SND1: variants seen among roughly 807,000 people sequenced by gnomAD.
SND1 encodes staphylococcal nuclease and tudor domain containing 1.
In SND1, 38 loss-of-function variants were observed where a neutral mutation model predicts 121.7. That is an observed-to-expected ratio of 0.31 (90% CI 0.24 to 0.41). SND1 has a LOEUF of 0.41. SND1 is among the 10% of genes least tolerant of loss of function. The probability of loss-of-function intolerance (pLI) is 1.00; values close to 1 mark genes in which losing one functional copy is unlikely to be tolerated. For synonymous variants in SND1, 401 were observed against 447.4 expected, an observed-to-expected ratio of 0.90 and a Z score of 1.31; for missense variants, 868 against 1,184.6, an observed-to-expected ratio of 0.73 and a Z score of 3.92.
At chr7:127,912,777 A>C (rs1800487308) in intron 14 of SND1, among the ~76,000 whole-genome samples, 1 of 152,228 alleles carries the variant, frequency 6.6e-6, no homozygotes, top group Non-Finnish European at 1.5e-5. Flanking sequence ...AACCACATAT[A>C]TAGTGGGCAA....
intron 16 of SND1, among the ~76,000 whole-genome samples, chr7:128,071,991 C>G (rs1194221616): frequency 6.6e-6 from 1 of 152,168 alleles, no homozygotes; most frequent in Non-Finnish European, 1.5e-5. Context: ...AGCTGGTGCT[C>G]ACCTGCGCAG....
intron 10 of SND1, among the ~76,000 whole-genome samples, chr7:127,729,039 C>G (rs1009595154): frequency 6.6e-6 from 1 of 152,016 alleles, no homozygotes; most frequent in Non-Finnish European, 1.5e-5. Flanking sequence ...GTTGACTCGC[C>G]CTGCCTCTCT....
chr7:127,772,602 C>CT (rs1386112037), intron 10 of SND1, among the ~76,000 whole-genome samples: 1 of 152,216 alleles, frequency 6.6e-6, no homozygotes, highest in African/African-American at 2.4e-5. Context: ...AATATCTCAT[C>CT]TGTGCTGCCA....
rs191427452 is a variant in SND1 at position 127,989,020 on chromosome 7, A to G, written c.1670-1927A>G. On this transcript the variant is annotated intron_variant, in intron 15 of 23. Transcript: ENST00000354725. The stretch of plus-strand genomic sequence containing the variant: ...TATAAAAAGAAAAGTGTTTTTGGCT[A>G]TTGATGTAAAAAACATGGGCCATCT... Among the ~76,000 whole-genome samples the G allele has an allele frequency of 2.0e-3, 309 of 152,354 alleles. 2 individuals carry two copies. The highest frequency in any genetic ancestry group is 0.01 in the Middle Eastern group (3 of 294).
intron 16 of SND1, among the ~76,000 whole-genome samples, chr7:128,063,538 G>A (rs560166173): frequency 3.9e-5 from 6 of 152,340 alleles, no homozygotes; most frequent in Admixed American, 3.9e-4. Flanking sequence ...CCCAAAGGTA[G>A]TATTCTGTCC....
chr7:127,748,829 A>G (rs1213876172), intron 10 of SND1, among the ~76,000 whole-genome samples: 1 of 152,108 alleles, frequency 6.6e-6, no homozygotes. Flanking sequence ...GTGCAGGCCT[A>G]TGTGGGTGCT....
intron 16 of SND1, among the ~76,000 whole-genome samples, chr7:128,022,485 C>T (rs1290007873): frequency 6.6e-6 from 1 of 152,224 alleles, no homozygotes; most frequent in Admixed American, 6.5e-5. Context: ...GCCATCGTCT[C>T]AAATGCTAAC....
intron 12 of SND1, among the ~76,000 whole-genome samples, chr7:127,854,356 T>G (rs1799228261): frequency 6.6e-6 from 1 of 152,164 alleles, no homozygotes; most frequent in Non-Finnish European, 1.5e-5. Flanking sequence ...CTTGAACTCC[T>G]GACCTTAAGT....
chr7:127,991,208 C>G, intron 16 of SND1, 152 bp downstream of exon 16: 1 of 630,810 alleles, frequency 1.6e-6, no homozygotes, highest in Non-Finnish European at 2.8e-6. Flanking sequence ...ATCTTATTTC[C>G]CTGAGCGCTG....
intron 12 of SND1, among the ~76,000 whole-genome samples, chr7:127,885,018 C>T (rs1270318615): frequency 6.6e-6 from 1 of 152,122 alleles, no homozygotes; most frequent in Non-Finnish European, 1.5e-5. Flanking sequence ...ATGGAGCCAC[C>T]TTCCATGTGG....
At chr7:127,786,417 C>G (rs1797813768) in intron 10 of SND1, among the ~76,000 whole-genome samples, 1 of 152,164 alleles carries the variant, frequency 6.6e-6, no homozygotes, top group Non-Finnish European at 1.5e-5. Context: ...TCTGCCCACT[C>G]CTTGTTAACT....
At chr7:127,895,059 A>G (rs939911441) in intron 13 of SND1, among the ~76,000 whole-genome samples, 1 of 151,474 alleles carries the variant, frequency 6.6e-6, no homozygotes, top group African/African-American at 2.4e-5. Context: ...CATCTTTTTT[A>G]TGCCATCTCT....
Position 128,029,644 on chromosome 7 carries a change from T to TG in SND1, c.1779+38591dup. 6.2e-7 allele frequency: 1 copy of TG among 1,613,878 alleles called. No individual in the cohort carries two copies. Among genetic ancestry groups the TG allele is most frequent in the Non-Finnish European group, 8.5e-7 (1 of 1,179,982 alleles). On this transcript the variant is annotated intron_variant, in intron 16 of 23. Coordinates refer to ENST00000354725, the MANE Select transcript of SND1 (RefSeq NM_014390.4). The surrounding 1 kb of genome is among the most constrained non-coding windows in gnomAD (Gnocchi z 4.2). ...ACGAGGTAGCGGCCTCGCATGTGCA[T>TG]GGGAGCATGACAGCGGCCACAGCAG...
intron 15 of SND1, among the ~76,000 whole-genome samples, chr7:127,930,319 G>C (rs1274733586): frequency 6.6e-6 from 1 of 152,218 alleles, no homozygotes; most frequent in Non-Finnish European, 1.5e-5. Context: ...CGGGAGTCAT[G>C]CTTGCTGCCT....
In SND1 at chr7:128,074,638, A is replaced by C; in HGVS notation, c.1916A>C (p.Tyr639Ser). 1 of 1,613,858 alleles carries C rather than the reference A, an allele frequency of 6.2e-7. No homozygotes were observed. Among genetic ancestry groups the C allele is most frequent in the Non-Finnish European group, 8.5e-7 (1 of 1,179,964 alleles). The part of the protein sequence containing the change: ...KVHFTAERSS[Y>S]YKSLLSAEEA... ...CACTTCACCGCCGAACGCAGCTCCT[A>C]CTACAAGTCCCTGCTGTCTGCCGAG... Residue 639 changes from tyrosine to serine, a missense_variant, in exon 17 of 24, where the codon TAC becomes TCC. Physicochemically the swap from Tyr to Ser is moderately radical, Grantham distance 144. Around this residue, in one of 2 missense-constraint regions of SND1, gnomAD observed 743 missense variants for 1,071.3 expected, o/e 0.69. Transcript: ENST00000354725.
In SND1 at chr7:127,896,975, A is replaced by G. The variant is rs143204490; in HGVS notation, c.1455-7772A>G. Reference sequence around the variant, plus strand: ...TCCTTAGAAGTCTCTCAGGAGGACTATAGTTCAAATAATTAATCACTGATA... The same window carrying G: ...TCCTTAGAAGTCTCTCAGGAGGACTGTAGTTCAAATAATTAATCACTGATA... On this transcript the variant is annotated intron_variant, in intron 13 of 23. Transcript: ENST00000354725. 9.3e-4 allele frequency among the ~76,000 whole-genome samples: 141 copies of G among 152,288 alleles called. 1 individual carries two copies. In the East Asian group the frequency reaches 0.024, roughly 26 times the overall value.
chr7:127,929,369 T>A (rs1397707655), intron 15 of SND1, 40 bp downstream of exon 15: 1 of 1,608,240 alleles, frequency 6.2e-7, no homozygotes, highest in African/African-American at 1.3e-5. Flanking sequence ...AGCTCAGAAG[T>A]CATCCCTGGA....
chr7:128,080,908 C>T (rs1183010513), intron 17 of SND1, among the ~76,000 whole-genome samples: 1 of 152,052 alleles, frequency 6.6e-6, no homozygotes, highest in African/African-American at 2.4e-5. Context: ...TAGAGGGCTT[C>T]AGGGGCTCAG....
intron 15 of SND1, among the ~76,000 whole-genome samples, chr7:127,944,108 G>A (rs767445390): frequency 5.9e-5 from 9 of 152,232 alleles, no homozygotes; most frequent in Non-Finnish European, 1.2e-4. Flanking sequence ...CATTTGTGCA[G>A]ATAGCTTCTC....
Sources: gnomAD v4.1 joint callset for allele counts (sites outside exome capture counted in the v4.1 genomes callset) on GRCh38, gnomAD v4.1.1 for gene constraint, gnomAD v4.1.1 regional missense constraint, Gnocchi (gnomAD v3.1) non-coding constraint, MANE v1.5 for transcripts, NCBI Gene and HGNC (gene_info 2026-07-23, HGNC 2026-07-21) for gene names.